RALYL: variants seen among roughly 807,000 people sequenced by gnomAD.
RALYL encodes RNA-binding Raly-like protein.
Under a neutral mutation model 35.1 loss-of-function variants are expected in RALYL, and 29 were observed. The observed-to-expected ratio is 0.83, with a 90% CI of 0.61 to 1.13. The LOEUF (loss-of-function observed/expected upper bound fraction) is 1.13. RALYL is among the 50% of genes most tolerant of loss of function. RALYL has a pLI of 0.00. For synonymous variants in RALYL, 120 were observed against 127.6 expected (o/e 0.94, Z 0.40); for missense variants, 359 against 360.4 (o/e 1.00, Z 0.03).
At chr8:84,208,553 T>A (rs1035721496) in intron 1 of RALYL, among the ~76,000 whole-genome samples, 1 of 152,144 alleles carries the variant, frequency 6.6e-6, no homozygotes, top group African/African-American at 2.4e-5. Flanking sequence ...TTCTCAAGAA[T>A]AGAGAAACTT....
At chr8:84,293,838 C>T (rs1041809914) in intron 1 of RALYL, among the ~76,000 whole-genome samples, 1 of 152,086 alleles carries the variant, frequency 6.6e-6, no homozygotes, top group Non-Finnish European at 1.5e-5. Flanking sequence ...ACTCTCCAAG[C>T]ACGAAACTTT....
intron 1 of RALYL, among the ~76,000 whole-genome samples, chr8:84,443,867 T>C (rs1473793526): frequency 6.6e-6 from 1 of 152,106 alleles, no homozygotes; most frequent in African/African-American, 2.4e-5. Context: ...ACAAACTCGA[T>C]GATAGCAACC....
intron 2 of RALYL, among the ~76,000 whole-genome samples, chr8:84,642,158 A>G (rs1826491550): frequency 6.6e-6 from 1 of 152,010 alleles, no homozygotes; most frequent in Non-Finnish European, 1.5e-5. Context: ...CAAAGATCCA[A>G]TAGCTTTTAC....
chr8:84,756,431 G>T (rs1293309195), intron 2 of RALYL, among the ~76,000 whole-genome samples: 1 of 152,106 alleles, frequency 6.6e-6, no homozygotes, highest in Non-Finnish European at 1.5e-5. Flanking sequence ...TAATGATAAT[G>T]AAATCCTAGT....
chr8:84,443,355 A>G (rs757003190), intron 1 of RALYL, among the ~76,000 whole-genome samples: 2 of 152,120 alleles, frequency 1.3e-5, no homozygotes, highest in Non-Finnish European at 2.9e-5. Flanking sequence ...ACTCCAAATG[A>G]AGACAAGGAA....
chr8:84,609,334 T>C (rs1305470261), intron 2 of RALYL, among the ~76,000 whole-genome samples: 1 of 152,146 alleles, frequency 6.6e-6, no homozygotes, highest in African/African-American at 2.4e-5. Flanking sequence ...GTCTGTGAAG[T>C]AGGAATCATC....
At chr8:84,635,801 C>G (rs1824944121) in intron 2 of RALYL, among the ~76,000 whole-genome samples, 1 of 151,800 alleles carries the variant, frequency 6.6e-6, no homozygotes, top group Non-Finnish European at 1.5e-5. Flanking sequence ...ATGTCAGCTT[C>G]TCTTCCTATT....
intron 1 of RALYL, among the ~76,000 whole-genome samples, chr8:84,387,774 G>A (rs1445708747): frequency 6.7e-6 from 1 of 150,116 alleles, no homozygotes; most frequent in African/African-American, 2.5e-5. Context: ...TTACTTATTT[G>A]GGAAGGTGGT....
chr8:84,590,604 A>G (rs1813019388), intron 2 of RALYL, among the ~76,000 whole-genome samples: 2 of 152,224 alleles, frequency 1.3e-5, no homozygotes, highest in African/African-American at 4.8e-5. Context: ...ATCTACAGGC[A>G]GGTGAACCTA....
At chr8:84,492,030 C>T (rs1318217132) in intron 1 of RALYL, among the ~76,000 whole-genome samples, 1 of 151,820 alleles carries the variant, frequency 6.6e-6, no homozygotes, top group Non-Finnish European at 1.5e-5. Context: ...AGTCATAAAA[C>T]AGTTCTATTA....
chr8:84,866,360 TAA>T lies in RALYL; in HGVS notation c.571+3908_571+3909del, dbSNP rs1839172171. On this transcript the variant is annotated intron_variant, in intron 6 of 8. Transcript: ENST00000521268. The stretch of plus-strand genomic sequence containing the variant: ...CTAATTTCTACCTGGAAATTGAAAA[TAA>T]TATACTGTGTATCCAATAGTTATTG... Among the ~76,000 whole-genome samples the T allele has an allele frequency of 5.9e-5, 9 of 152,280 alleles. 1 individual carries two copies. The highest frequency in any genetic ancestry group is 5.9e-4 in the Admixed American group (9 of 15,284).
intron 1 of RALYL, among the ~76,000 whole-genome samples, chr8:84,518,375 A>G (rs2058216829): frequency 6.6e-6 from 1 of 152,178 alleles, no homozygotes; most frequent in Non-Finnish European, 1.5e-5. Flanking sequence ...CATGGATATC[A>G]TGATAGACTA....
chr8:84,894,924 C>G (rs1381422603), intron 8 of RALYL, among the ~76,000 whole-genome samples: 1 of 152,160 alleles, frequency 6.6e-6, no homozygotes, highest in Non-Finnish European at 1.5e-5. Flanking sequence ...TATTCAAAGT[C>G]CCATGACTTT....
chr8:84,301,980 T>A (rs1840879820), intron 1 of RALYL, among the ~76,000 whole-genome samples: 1 of 152,064 alleles, frequency 6.6e-6, no homozygotes, highest in Admixed American at 6.6e-5. Context: ...ATAGTTTGGG[T>A]AAGGGGAATT....
At chr8:84,556,266 G>A (rs1339863728) in intron 2 of RALYL, among the ~76,000 whole-genome samples, 4 of 152,160 alleles carry the variant, frequency 2.6e-5, no homozygotes, top group African/African-American at 4.8e-5. Context: ...GCATATTAAT[G>A]TATGAAGCCA....
chr8:84,669,351 A>AT (rs932918559), intron 2 of RALYL, among the ~76,000 whole-genome samples: 21 of 151,076 alleles, frequency 1.4e-4, no homozygotes, highest in South Asian at 4.2e-4. Context: ...GCTTCTGAGC[A>AT]TTTTTTTTTA....
intron 2 of RALYL, among the ~76,000 whole-genome samples, chr8:84,542,161 T>G (rs190781793): frequency 1.3e-5 from 2 of 152,276 alleles, no homozygotes; most frequent in African/African-American, 4.8e-5. Flanking sequence ...GTTTCCACTC[T>G]GTTAGCTCCT....
intron 2 of RALYL, among the ~76,000 whole-genome samples, chr8:84,658,844 T>G (rs1056929427): frequency 6.6e-6 from 1 of 152,104 alleles, no homozygotes; most frequent in Non-Finnish European, 1.5e-5. Flanking sequence ...GAACTACATC[T>G]CAGTCTCATA....
At chr8:84,398,528 T>C (rs1321980888) in intron 1 of RALYL, among the ~76,000 whole-genome samples, 1 of 152,180 alleles carries the variant, frequency 6.6e-6, no homozygotes, top group Non-Finnish European at 1.5e-5. Flanking sequence ...TTCACAGTAG[T>C]AATATCTTTT....
Sources: allele counts gnomAD v4.1 joint callset (sites outside exome capture counted in the v4.1 genomes callset), GRCh38; gene constraint gnomAD v4.1.1; transcripts MANE v1.5; gene names NCBI Gene and HGNC (gene_info 2026-07-23, HGNC 2026-07-21).